DNAH5: variants seen among roughly 807,000 people sequenced by gnomAD.
DNAH5 encodes the protein axonemal beta dynein heavy chain 5.
In DNAH5, 372 loss-of-function variants were observed where a neutral mutation model predicts 518.2. That is an observed-to-expected ratio of 0.72 (90% CI 0.66 to 0.78). DNAH5 has a LOEUF of 0.78. Ranked by LOEUF, DNAH5 falls within the 30% of genes least tolerant of loss-of-function variation. The pLI is 0.00. For synonymous variants in DNAH5, 2,039 were observed against 2,025.9 expected (o/e 1.01, Z -0.17); for missense variants, 5,523 against 5,687.0 (o/e 0.97, Z 0.93).
At chr5:13,713,464 TATAC>T (rs1554018871) in intron 75 of DNAH5, among the ~76,000 whole-genome samples, 2,844 of 118,662 alleles carry the variant, frequency 0.024, 170 homozygotes, top group East Asian at 0.1. Context: ...TATATATATA[TATAC>T]ACACACCGAT....
intron 17 of DNAH5, among the ~76,000 whole-genome samples, chr5:13,887,060 G>A (rs1450654066): frequency 2.6e-5 from 4 of 152,166 alleles, no homozygotes; most frequent in African/African-American, 4.8e-5. Flanking sequence ...TCAATTCTCT[G>A]AGAGAACACT....
At position 13,890,368 on chromosome 5, in the gene DNAH5, C is replaced by T. The variant is rs551962581; in HGVS notation, c.2577+608G>A. ...GTTGTAGTGAGCTGAGATCGCATCACTGCACTCCAGCCTGGGCAACAGAGC... is the reference window on the plus strand; with the variant it reads ...GTTGTAGTGAGCTGAGATCGCATCATTGCACTCCAGCCTGGGCAACAGAGC... On this transcript the variant is annotated intron_variant, in intron 17 of 78. Transcript: ENST00000265104. Among the ~76,000 whole-genome samples, 21 of 149,076 alleles carry T rather than the reference C, an allele frequency of 1.4e-4. No individual in the cohort carries two copies. The South Asian group carries it at 4.4e-3, about 32-fold the overall frequency.
chr5:13,696,286 A>G (rs1019818652), intron 78 of DNAH5, among the ~76,000 whole-genome samples: 1 of 152,128 alleles, frequency 6.6e-6, no homozygotes, highest in Non-Finnish European at 1.5e-5. Context: ...CATATAATAA[A>G]TCTGTGAAGA....
intron 78 of DNAH5, among the ~76,000 whole-genome samples, chr5:13,693,130 A>G (rs934669877): frequency 2.6e-5 from 4 of 152,122 alleles, no homozygotes; most frequent in African/African-American, 7.2e-5. Context: ...TTTTTTGAGG[A>G]CAAGAGTGTG....
rs775696136 is a variant in DNAH5, at chr5:13,701,316, T to TA, written c.13458dup (p.Asn4487Ter). ...ATTGCAGTTAAAAATCCCTGGGGGT[T>TA]AAAAAAACCCGTCATCCAAAAGCAG... On this transcript the variant is annotated frameshift_variant, in exon 77 of 79. Transcript: ENST00000265104. LOFTEE classifies it high-confidence loss of function. 1.6e-4 allele frequency: 259 copies of TA among 1,613,806 alleles called. No homozygotes were observed. Among genetic ancestry groups the TA allele is most frequent in the Non-Finnish European group, 2.1e-4 (244 of 1,179,964 alleles).
chr5:13,845,118 T>A, intron 31 of DNAH5, 125 bp from the exon 32 acceptor site: 1 of 876,052 alleles, frequency 1.1e-6, no homozygotes, highest in South Asian at 1.6e-5. Context: ...TTTTCCTACG[T>A]GACTTCTCAC....
intron 75 of DNAH5, among the ~76,000 whole-genome samples, 180 bp downstream of exon 75, chr5:13,714,225 G>A (rs1303164114): frequency 1.3e-5 from 2 of 152,150 alleles, no homozygotes; most frequent in East Asian, 1.9e-4. Flanking sequence ...ATATTGAAAA[G>A]ATTATGTTAC....
chr5:13,807,805 T>A (rs1759873889), intron 46 of DNAH5, 80 bp from the exon 47 acceptor site: 1 of 1,240,848 alleles, frequency 8.1e-7, no homozygotes, highest in Admixed American at 2.0e-5. Context: ...AAAATTCATA[T>A]GCTGAATCTT....
At chr5:13,894,888 T>A in intron 15 of DNAH5, 67 bp from the exon 16 acceptor site, 1 of 1,559,424 alleles carries the variant, frequency 6.4e-7, no homozygotes, top group Non-Finnish European at 8.8e-7. Flanking sequence ...ATATCTCATG[T>A]CTTATACAAA....
At chr5:13,807,232 G>C (rs1272007953) in intron 47 of DNAH5, among the ~76,000 whole-genome samples, 1 of 152,136 alleles carries the variant, frequency 6.6e-6, no homozygotes, top group African/African-American at 2.4e-5. Context: ...AGAGTATTAG[G>C]AACACCTTCA....
chr5:13,903,623 A>C (rs1035752224), intron 12 of DNAH5, among the ~76,000 whole-genome samples: 1 of 152,044 alleles, frequency 6.6e-6, no homozygotes, highest in Non-Finnish European at 1.5e-5. Flanking sequence ...AAAGGGAGAA[A>C]TCAAATTTAT....
At chr5:13,939,593 C>T (rs1779272077) in intron 1 of DNAH5, among the ~76,000 whole-genome samples, 1 of 152,142 alleles carries the variant, frequency 6.6e-6, no homozygotes, top group Non-Finnish European at 1.5e-5. Context: ...AGGGCCCCGT[C>T]TCCTTTCCCG....
Position 13,753,443 on chromosome 5 carries a change from T to C in DNAH5, c.10662A>G (p.Lys3554=). ...NDWRKEMKAR[K]IPFGKNLNLS... is the part of the protein sequence containing the mutation. ...GATTTAGGTTCTTTCCAAATGGAAT[T>C]TTCCGGGCTTTCATTTCCTTCCGCC... The change falls in exon 63 of 79, where the codon AAA becomes AAG. Residue 3554 remains lysine, a synonymous_variant. Transcript: ENST00000265104. The C allele has an allele frequency of 6.2e-7, 1 of 1,614,038 alleles. No homozygotes were observed. Among genetic ancestry groups the C allele is most frequent in the Non-Finnish European group, 8.5e-7 (1 of 1,179,924 alleles).
At chr5:13,837,505 G>T (rs1764555575) in intron 35 of DNAH5, among the ~76,000 whole-genome samples, 1 of 151,722 alleles carries the variant, frequency 6.6e-6, no homozygotes, top group Admixed American at 6.6e-5. Context: ...AGCTGCATGA[G>T]AACAGGCACC....
intron 1 of DNAH5, among the ~76,000 whole-genome samples, chr5:13,933,901 C>T (rs1029789701): frequency 3.3e-5 from 5 of 151,640 alleles, no homozygotes; most frequent in Non-Finnish European, 4.4e-5. Flanking sequence ...CAATGCTACA[C>T]AGGATTGGTT....
intron 1 of DNAH5, among the ~76,000 whole-genome samples, chr5:13,936,632 T>C (rs1778948168): frequency 1.3e-5 from 2 of 152,230 alleles, no homozygotes; most frequent in Non-Finnish European, 2.9e-5. Context: ...TTAAATTGCA[T>C]GCAGTTTGGT....
intron 68 of DNAH5, among the ~76,000 whole-genome samples, chr5:13,732,457 C>T (rs542898078): frequency 6.6e-6 from 1 of 152,234 alleles, no homozygotes; most frequent in South Asian, 2.1e-4. Context: ...ACCTCCGCCT[C>T]CCAGGTTCAA....
chr5:13,722,461 C>G (rs1280040106), intron 70 of DNAH5, among the ~76,000 whole-genome samples: 2 of 152,220 alleles, frequency 1.3e-5, no homozygotes, highest in Non-Finnish European at 2.9e-5. Flanking sequence ...GTGGCCACCA[C>G]AGAGGAATCT....
At chr5:13,850,861 G>A (rs1246723894) in intron 30 of DNAH5, 46 bp from the exon 31 acceptor site, 1 of 1,593,792 alleles carries the variant, frequency 6.3e-7, no homozygotes, top group East Asian at 2.2e-5. Context: ...GGACACATCT[G>A]TGATCCCAAA....
Sources: gnomAD v4.1 joint callset for allele counts (sites outside exome capture counted in the v4.1 genomes callset) on GRCh38, gnomAD v4.1.1 for gene constraint, MANE v1.5 for transcripts, NCBI Gene and HGNC (gene_info 2026-07-23, HGNC 2026-07-21) for gene names.